Variants in EYS observed in about 807,000 individuals in gnomAD.
EYS encodes protein eyes shut homolog.
A neutral mutation model predicts 282.1 loss-of-function variants in EYS; 250 were observed. That is an observed-to-expected ratio of 0.89 (90% CI 0.80 to 0.98). The LOEUF is 0.98. EYS is among the 50% of genes least tolerant of loss of function. The pLI, the probability that EYS is intolerant of heterozygous loss-of-function variation, is 0.00. For missense variants in EYS, 4,016 were observed against 3,709.0 expected (o/e 1.08, Z -2.15); for synonymous variants, 1,355 against 1,282.9 (o/e 1.06, Z -1.20).
chr6:64,067,914 T>C (rs894844828), intron 32 of EYS, among the ~76,000 whole-genome samples: 1 of 151,962 alleles, frequency 6.6e-6, no homozygotes, highest in Non-Finnish European at 1.5e-5. Context: ...GATAGACATT[T>C]TCCCCCTAGG....
chr6:64,303,393 C>T (rs7757774), intron 30 of EYS, among the ~76,000 whole-genome samples: 5,805 of 152,244 alleles, frequency 0.038, 359 homozygotes, highest in African/African-American at 0.13. Flanking sequence ...GACCAGCATG[C>T]CTGACAGGCC....
At chr6:65,099,507 G>T (rs377047101) in intron 12 of EYS, among the ~76,000 whole-genome samples, 2 of 150,488 alleles carry the variant, frequency 1.3e-5, no homozygotes, top group Admixed American at 6.7e-5. Flanking sequence ...CTTTGCTAAA[G>T]AAATACTAAG....
chr6:64,026,907 G>A (rs1351797353), intron 33 of EYS, among the ~76,000 whole-genome samples: 1 of 152,178 alleles, frequency 6.6e-6, no homozygotes, highest in Non-Finnish European at 1.5e-5. Context: ...CAGACCTGGG[G>A]AAGTTTTCAG....
At chr6:65,251,855 C>A (rs1767333241) in intron 12 of EYS, among the ~76,000 whole-genome samples, 1 of 151,944 alleles carries the variant, frequency 6.6e-6, no homozygotes, top group African/African-American at 2.4e-5. Flanking sequence ...TTCCCCATCC[C>A]AGCCTCCCTG....
intron 12 of EYS, among the ~76,000 whole-genome samples, chr6:65,260,494 C>A (rs1767592017): frequency 6.6e-6 from 1 of 152,134 alleles, no homozygotes; most frequent in East Asian, 1.9e-4. Flanking sequence ...GTTTCAAGTA[C>A]CCACCACAAT....
At chr6:64,087,917 G>A (rs1475856487) in intron 31 of EYS, among the ~76,000 whole-genome samples, 2 of 152,018 alleles carry the variant, frequency 1.3e-5, no homozygotes, top group Non-Finnish European at 2.9e-5. Context: ...AATTCAATTT[G>A]CTAAAAAATG....
chr6:64,645,240 T>C (rs1239619209), intron 22 of EYS, among the ~76,000 whole-genome samples: 5 of 152,144 alleles, frequency 3.3e-5, no homozygotes, highest in East Asian at 1.9e-4. Context: ...CAATGAAACA[T>C]TGAAAATCAG....
rs564553374 is a variant in EYS at position 64,586,955 on chromosome 6, C to T, written c.5644+3268G>A. ...AATGACAAATTGCTAGAATATGTTCCCTTTTTCTCTTACATTTTATTTCCT... is the reference window on the plus strand; with the variant it reads ...AATGACAAATTGCTAGAATATGTTCTCTTTTTCTCTTACATTTTATTTCCT... On this transcript the variant is annotated intron_variant, in intron 26 of 42. Coordinates refer to ENST00000503581, the MANE Select transcript of EYS (RefSeq NM_001142800.2). Among the ~76,000 whole-genome samples, 121 of 152,132 alleles carry T rather than the reference C, an allele frequency of 8.0e-4. 1 individual carries two copies. Among genetic ancestry groups the T allele is most frequent in the Middle Eastern group, 3.4e-3 (1 of 294 alleles).
At chr6:64,093,889 A>G (rs1029854194) in intron 31 of EYS, among the ~76,000 whole-genome samples, 1 of 152,032 alleles carries the variant, frequency 6.6e-6, no homozygotes, top group Middle Eastern at 3.2e-3. Flanking sequence ...TTGGCTGTGG[A>G]TTTGTCATAG....
At chr6:65,643,379 G>A (rs1477014964) in intron 1 of EYS, among the ~76,000 whole-genome samples, 2 of 152,124 alleles carry the variant, frequency 1.3e-5, no homozygotes, top group Non-Finnish European at 2.9e-5. Context: ...GCTGCAGCAA[G>A]CCCCACCCAA....
chr6:65,007,954 G>T (rs192252453), intron 13 of EYS, among the ~76,000 whole-genome samples: 1 of 152,234 alleles, frequency 6.6e-6, no homozygotes, highest in East Asian at 1.9e-4. Context: ...TGAGAGAAGT[G>T]CCACCATAAC....
At chr6:65,164,570 GATCT>G (rs1465858542) in intron 12 of EYS, among the ~76,000 whole-genome samples, 3 of 151,110 alleles carry the variant, frequency 2.0e-5, no homozygotes, top group African/African-American at 7.3e-5. Context: ...GACAGATCTA[GATCT>G]ATCTATCTTT....
Position 65,255,610 on chromosome 6 carries a change from A to G in EYS, c.2023+40253T>C, listed in dbSNP as rs373223720. Among the ~76,000 whole-genome samples the G allele has an allele frequency of 9.5e-4, 144 of 152,188 alleles. 6 individuals carry two copies. The South Asian group carries it at 0.029, about 31-fold the overall frequency. ...GGAAAAAAGTATTTGCAAACTACCC[A>G]TCTGACAAGGAATTAATATCCAGAA... On this transcript the variant is annotated intron_variant, in intron 12 of 42. Transcript: ENST00000503581.
intron 30 of EYS, among the ~76,000 whole-genome samples, chr6:64,237,691 T>A (rs1766658121): frequency 6.6e-6 from 1 of 152,192 alleles, no homozygotes; most frequent in Non-Finnish European, 1.5e-5. Context: ...ACTTCAAAAG[T>A]TTGAATTGCC....
At chr6:64,133,476 TCACACACACACACACACACACACACA>T (rs61088369) in intron 31 of EYS, among the ~76,000 whole-genome samples, 1 of 142,354 alleles carries the variant, frequency 7.0e-6, no homozygotes, top group African/African-American at 2.6e-5. Flanking sequence ...TTGCATTACT[TCACACACACACACACACACACACACA>T]CACACACACA....
intron 26 of EYS, among the ~76,000 whole-genome samples, chr6:64,468,885 T>G (rs189846486): frequency 1.3e-5 from 2 of 152,336 alleles, no homozygotes; most frequent in East Asian, 3.9e-4. Context: ...TATCATGCTT[T>G]CTTTATCCAG....
At chr6:64,315,971 T>C (rs1007079709) in intron 29 of EYS, among the ~76,000 whole-genome samples, 5 of 152,140 alleles carry the variant, frequency 3.3e-5, no homozygotes, top group African/African-American at 7.2e-5. Flanking sequence ...AAAAACCACA[T>C]GATTATCTCA....
At chr6:64,738,237 G>T (rs905083696) in intron 22 of EYS, among the ~76,000 whole-genome samples, 1 of 152,174 alleles carries the variant, frequency 6.6e-6, no homozygotes, top group African/African-American at 2.4e-5. Context: ...GATCCCTCAT[G>T]AATGGCTTGA....
At chr6:63,920,908 T>C (rs1035301930) in intron 35 of EYS, among the ~76,000 whole-genome samples, 3 of 151,950 alleles carry the variant, frequency 2.0e-5, no homozygotes, top group Non-Finnish European at 1.5e-5. Flanking sequence ...TTTTTTTTTT[T>C]TGGAGACAGA....
Sources: gnomAD v4.1 joint callset for allele counts (sites outside exome capture counted in the v4.1 genomes callset) on GRCh38, gnomAD v4.1.1 for gene constraint, MANE v1.5 for transcripts, NCBI Gene and HGNC (gene_info 2026-07-23, HGNC 2026-07-21) for gene names.